Variants in CHRM3 observed in about 807,000 individuals in gnomAD.
CHRM3 encodes the protein muscarinic acetylcholine receptor M3.
A neutral mutation model predicts 41.8 loss-of-function variants in CHRM3; 11 were observed. The ratio of observed to expected loss-of-function variants is 0.26; its 90% CI spans 0.17 to 0.44. The LOEUF is 0.44. CHRM3 is among the 20% of genes least tolerant of loss of function. The probability of loss-of-function intolerance (pLI) is 1.00; values close to 1 mark genes in which losing one functional copy is unlikely to be tolerated. For missense variants in CHRM3, 571 were observed against 745.4 expected, an observed-to-expected ratio of 0.77 and a Z score of 2.72; for synonymous variants, 297 against 301.4, an observed-to-expected ratio of 0.99 and a Z score of 0.15.
chr1:239,531,413 T>G (rs560701244), intron 2 of CHRM3, among the ~76,000 whole-genome samples: 1 of 152,114 alleles, frequency 6.6e-6, no homozygotes, highest in African/African-American at 2.4e-5. Context: ...AATTAGAAAC[T>G]TTTAAAAATA....
intron 6 of CHRM3, chr1:239,898,339 A>G (rs560047369): frequency 3.3e-4 from 50 of 152,318 alleles, no homozygotes; most frequent in African/African-American, 1.1e-3. Flanking sequence ...TAGTGGTTTG[A>G]TGTGGTATTG....
intron 5 of CHRM3, among the ~76,000 whole-genome samples, chr1:239,717,540 T>C (rs1400191380): frequency 1.3e-5 from 2 of 152,056 alleles, no homozygotes; most frequent in Non-Finnish European, 2.9e-5. Context: ...TTTTGGTTGT[T>C]ATCAGTTGGT....
At chr1:239,489,729 C>A (rs1572477122) in intron 1 of CHRM3, among the ~76,000 whole-genome samples, 1 of 152,058 alleles carries the variant, frequency 6.6e-6, no homozygotes, top group East Asian at 1.9e-4. Flanking sequence ...AGGCCATTTA[C>A]TTTATTGTTC....
chr1:239,554,141 T>G lies in CHRM3; in HGVS notation c.-313+8392T>G, dbSNP rs536222394. 9.9e-5 allele frequency among the ~76,000 whole-genome samples: 15 copies of G among 152,256 alleles called. No individual in the cohort carries two copies. In the East Asian group the frequency reaches 2.7e-3, roughly 27 times the overall value. Reference sequence around the variant, plus strand: ...TGGCCTCAAGTGATCCTCCCACCTTTGCCTCCCAAAGTACTGGGATAACAT... The same window carrying G: ...TGGCCTCAAGTGATCCTCCCACCTTGGCCTCCCAAAGTACTGGGATAACAT... On this transcript the variant is annotated intron_variant, in intron 3 of 6. Coordinates refer to ENST00000676153, the MANE Select transcript of CHRM3 (RefSeq NM_001375978.1).
rs527683675 is a variant in CHRM3 at position 239,441,690 on chromosome 1, T to C, written c.-520-51019T>C. Among the ~76,000 whole-genome samples, 18 of 151,880 alleles carry C rather than the reference T, an allele frequency of 1.2e-4. No homozygotes were observed. In the South Asian group the frequency reaches 2.9e-3, roughly 24 times the overall value. On this transcript the variant is annotated intron_variant, in intron 1 of 6. Coordinates refer to ENST00000676153, the MANE Select transcript of CHRM3 (RefSeq NM_001375978.1). The stretch of plus-strand genomic sequence containing the variant: ...CTGTGATAAAATAAGGCACTGAAGA[T>C]TCTTTCAAATAAGCCCTTGGAGGAG...
intron 1 of CHRM3, among the ~76,000 whole-genome samples, chr1:239,405,481 A>C (rs549282913): frequency 6.6e-6 from 1 of 152,058 alleles, no homozygotes; most frequent in Non-Finnish European, 1.5e-5. Context: ...GCCTGATTCT[A>C]CTCGGTGTCA....
intron 3 of CHRM3, among the ~76,000 whole-genome samples, chr1:239,622,750 G>T (rs906951818): frequency 3.3e-5 from 5 of 152,138 alleles, no homozygotes; most frequent in African/African-American, 2.4e-5. Context: ...TTGTTAAAAT[G>T]ACCACAAAAG....
rs533313160 is a variant in CHRM3, at chr1:239,599,556, A to G, written c.-312-32668A>G. Reference sequence around the variant, plus strand: ...CCATACTTCCCACTGAAGGAGTGCAAGACTTGTGTTTCATAACTTAGGGTA... The same window carrying G: ...CCATACTTCCCACTGAAGGAGTGCAGGACTTGTGTTTCATAACTTAGGGTA... On this transcript the variant is annotated intron_variant, in intron 3 of 6. Transcript: ENST00000676153. Among the ~76,000 whole-genome samples the G allele has an allele frequency of 4.2e-3, 639 of 152,132 alleles. 6 individuals carry two copies. Among genetic ancestry groups the G allele is most frequent in the African/African-American group, 0.015 (616 of 41,484 alleles).
chr1:239,642,250 T>C (rs1269905661), intron 4 of CHRM3, among the ~76,000 whole-genome samples: 1 of 150,194 alleles, frequency 6.7e-6, no homozygotes, highest in East Asian at 1.9e-4. Context: ...TGTCTTGGAG[T>C]TGCTCTTCTC....
At position 239,419,165 on chromosome 1, in the gene CHRM3, C is replaced by T. The variant is rs561368503; in HGVS notation, c.-521+31938C>T. Among the ~76,000 whole-genome samples the T allele has an allele frequency of 7.2e-5, 11 of 152,170 alleles. No homozygotes were observed. In the South Asian group the frequency reaches 1.5e-3, roughly 20 times the overall value. ...AGCCACATTCTAGTCTAAGGGTTCT[C>T]GTATTGCTTATCTCCATATATGTTT... On this transcript the variant is annotated intron_variant, in intron 1 of 6. Coordinates refer to ENST00000676153, the MANE Select transcript of CHRM3 (RefSeq NM_001375978.1).
At chr1:239,412,970 C>T (rs538907857) in intron 1 of CHRM3, among the ~76,000 whole-genome samples, 8 of 151,816 alleles carry the variant, frequency 5.3e-5, no homozygotes, top group South Asian at 4.2e-4. Context: ...CCCAGCTACT[C>T]GGGAGGCTGA....
At chr1:239,564,598 G>A (rs150153666) in intron 3 of CHRM3, among the ~76,000 whole-genome samples, 1 of 152,100 alleles carries the variant, frequency 6.6e-6, no homozygotes, top group Non-Finnish European at 1.5e-5. Context: ...CTATTTTCCT[G>A]TCTCGTGGTT....
chr1:239,688,000 C>G lies in CHRM3; in HGVS notation c.-147+9712C>G, dbSNP rs188926457. Reference sequence around the variant, plus strand: ...TGTATGTTCTTACCACCATCAAATACGACTGCTCTTAAATGTGTCATGAAT... The same window carrying G: ...TGTATGTTCTTACCACCATCAAATAGGACTGCTCTTAAATGTGTCATGAAT... On this transcript the variant is annotated intron_variant, in intron 5 of 6. Coordinates refer to ENST00000676153, the MANE Select transcript of CHRM3 (RefSeq NM_001375978.1). 1.2e-3 allele frequency among the ~76,000 whole-genome samples: 178 copies of G among 152,016 alleles called. 1 individual carries two copies. The highest frequency in any genetic ancestry group is 4.2e-3 in the African/African-American group (174 of 41,494).
intron 6 of CHRM3, among the ~76,000 whole-genome samples, chr1:239,892,570 G>A (rs183122317): frequency 1.3e-5 from 2 of 152,276 alleles, no homozygotes; most frequent in East Asian, 3.9e-4. Flanking sequence ...GGGACAGATG[G>A]TTGATGACTA....
Position 239,498,486 on chromosome 1 carries a change from G to A in CHRM3, c.-422+5679G>A, listed in dbSNP as rs138316613. ...TGGATAATGAATCCTACATCTTTTC[G>A]TGTGTGTGTAATCTAAGCGTTCTCA... On this transcript the variant is annotated intron_variant, in intron 2 of 6. Transcript: ENST00000676153. 1.9e-3 allele frequency among the ~76,000 whole-genome samples: 288 copies of A among 152,098 alleles called. 1 individual carries two copies. Among genetic ancestry groups the A allele is most frequent in the Non-Finnish European group, 3.0e-3 (206 of 67,996 alleles).
chr1:239,844,585 G>A (rs1490583300), intron 6 of CHRM3, among the ~76,000 whole-genome samples: 2 of 152,222 alleles, frequency 1.3e-5, no homozygotes, highest in Non-Finnish European at 1.5e-5. Context: ...TTTCCCGAGC[G>A]TTAGAGCTAT....
chr1:239,893,625 G>T (rs1417391948), intron 6 of CHRM3, among the ~76,000 whole-genome samples: 1 of 151,802 alleles, frequency 6.6e-6, no homozygotes, highest in East Asian at 1.9e-4. Context: ...AAGCACAGAG[G>T]TTCCTTGAAG....
chr1:239,665,263 G>A (rs916669978), intron 4 of CHRM3, among the ~76,000 whole-genome samples: 22 of 150,752 alleles, frequency 1.5e-4, no homozygotes, highest in Admixed American at 3.3e-4. Flanking sequence ...GCCCAGTGCC[G>A]CTTCCTGTAA....
chr1:239,491,700 C>T (rs191688485), intron 1 of CHRM3, among the ~76,000 whole-genome samples: 185 of 152,150 alleles, frequency 1.2e-3, no homozygotes, highest in Non-Finnish European at 2.0e-3. Context: ...GATATGTGGC[C>T]CATAGTGGGA....
Sources: gnomAD v4.1 joint callset for allele counts (sites outside exome capture counted in the v4.1 genomes callset) on GRCh38, gnomAD v4.1.1 for gene constraint, MANE v1.5 for transcripts, NCBI Gene and HGNC (gene_info 2026-07-23, HGNC 2026-07-21) for gene names.